The following RBM20 variants were observed in gnomAD, a reference collection of about 807,000 sequenced individuals.
RBM20 encodes the protein RNA binding motif protein 20.
Under a neutral mutation model 110.1 loss-of-function variants are expected in RBM20, and 51 were observed. The observed-to-expected ratio is 0.46, with a 90% CI of 0.37 to 0.59. The LOEUF is 0.59. Ranked by LOEUF, RBM20 falls within the 20% of genes least tolerant of loss-of-function variation. The pLI is 0.00. For synonymous variants in RBM20, 589 were observed against 618.2 expected, an observed-to-expected ratio of 0.95 and a Z score of 0.70; for missense variants, 1,512 against 1,574.9, an observed-to-expected ratio of 0.96 and a Z score of 0.68.
intron 12 of RBM20, among the ~76,000 whole-genome samples, chr10:110,827,147 G>A (rs1844992004): frequency 6.6e-6 from 1 of 152,104 alleles, no homozygotes; most frequent in African/African-American, 2.4e-5. Context: ...GGATGACATA[G>A]CAAACGCAGG....
chr10:110,689,324 C>A (rs1460226226), intron 1 of RBM20, among the ~76,000 whole-genome samples: 3 of 152,286 alleles, frequency 2.0e-5, no homozygotes, highest in South Asian at 2.1e-4. Context: ...CAAAACCTGC[C>A]CTCATGGAGC....
At chr10:110,696,249 A>G (rs771025513) in intron 1 of RBM20, among the ~76,000 whole-genome samples, 3 of 152,176 alleles carry the variant, frequency 2.0e-5, no homozygotes, top group Non-Finnish European at 4.4e-5. Context: ...ATCGCATTTT[A>G]AATCTTTAGA....
At chr10:110,727,143 C>CTTTTTTTTTTT (rs57606079) in intron 1 of RBM20, among the ~76,000 whole-genome samples, 1 of 80,656 alleles carries the variant, frequency 1.2e-5, no homozygotes, top group Non-Finnish European at 2.3e-5. Flanking sequence ...TGCACCCAGC[C>CTTTTTTTTTTT]TTTTTTTTTT....
At chr10:110,754,300 T>A (rs971857973) in intron 1 of RBM20, among the ~76,000 whole-genome samples, 2 of 152,238 alleles carry the variant, frequency 1.3e-5, no homozygotes, top group Non-Finnish European at 2.9e-5. Flanking sequence ...TGATCACTGG[T>A]AACTACGATG....
chr10:110,741,476 C>A (rs1419303130), intron 1 of RBM20, among the ~76,000 whole-genome samples: 1 of 152,142 alleles, frequency 6.6e-6, no homozygotes, highest in Non-Finnish European at 1.5e-5. Context: ...TTCCACATGA[C>A]TCCTCCATCA....
At chr10:110,767,726 C>T (rs1194884707) in intron 1 of RBM20, among the ~76,000 whole-genome samples, 6 of 145,408 alleles carry the variant, frequency 4.1e-5, no homozygotes, top group African/African-American at 1.3e-4. Context: ...ACATCTCAGA[C>T]GATGGGCGGC....
intron 8 of RBM20, among the ~76,000 whole-genome samples, chr10:110,810,904 T>C (rs1352697072): frequency 2.0e-5 from 3 of 151,948 alleles, no homozygotes; most frequent in Admixed American, 6.6e-5. Flanking sequence ...TTTTCATAAG[T>C]TGAATGTAGA....
intron 1 of RBM20, among the ~76,000 whole-genome samples, chr10:110,752,918 TAC>T (rs1843872042): frequency 9.2e-6 from 1 of 108,762 alleles, no homozygotes; most frequent in Non-Finnish European, 1.9e-5. Context: ...TATATATTTA[TAC>T]ATATATATAT....
At chr10:110,694,324 G>C (rs1339175926) in intron 1 of RBM20, among the ~76,000 whole-genome samples, 2 of 152,188 alleles carry the variant, frequency 1.3e-5, no homozygotes, top group Non-Finnish European at 2.9e-5. Context: ...AAATTGTAAA[G>C]TTTAGAGCTT....
chr10:110,674,594 G>T (rs1475535976), intron 1 of RBM20, among the ~76,000 whole-genome samples: 1 of 152,168 alleles, frequency 6.6e-6, no homozygotes, highest in African/African-American at 2.4e-5. Context: ...GATTAATGGT[G>T]TTGAATCTGT....
chr10:110,832,796 A>C (rs1266256040), intron 13 of RBM20, among the ~76,000 whole-genome samples: 2 of 152,172 alleles, frequency 1.3e-5, no homozygotes, highest in Admixed American at 6.5e-5. Flanking sequence ...AAGTCACTTA[A>C]GCCTCTGATT....
intron 1 of RBM20, among the ~76,000 whole-genome samples, chr10:110,750,217 A>C (rs1177203807): frequency 3.3e-5 from 5 of 152,242 alleles, no homozygotes; most frequent in South Asian, 2.1e-4. Context: ...CCATGTTTAA[A>C]AAATTTTTAA....
In RBM20 at chr10:110,739,071, C is replaced by A. The variant is rs182810910; in HGVS notation, c.192-41730C>A. Among the ~76,000 whole-genome samples the A allele has an allele frequency of 6.6e-6, 1 of 152,138 alleles. No homozygotes were observed. Among genetic ancestry groups the A allele is most frequent in the Non-Finnish European group, 1.5e-5 (1 of 68,032 alleles). ...GAGTATGGGGAGGTGTCTGGACAGT[C>A]AGGAAGTACCTGTCGCAGGTGGCAT... On this transcript the variant is annotated intron_variant, in intron 1 of 13. Coordinates refer to ENST00000369519, the MANE Select transcript of RBM20 (RefSeq NM_001134363.3). This position sits in a 1 kb window ranked among gnomAD's most constrained non-coding sequence, Gnocchi z 4.1.
At position 110,783,400 on chromosome 10, in the gene RBM20, C is replaced by A. The variant is rs774585619; in HGVS notation, c.1310C>A (p.Ala437Asp). Residue 437 changes from alanine to aspartate, a missense_variant, in exon 3 of 14, where the codon GCT becomes GAT. By Grantham distance (126) the Ala-to-Asp change is moderately radical. This residue lies in a region of RBM20 where 1,149 missense variants were observed against 1,169.4 expected (regional missense o/e 0.98). Coordinates refer to ENST00000369519, the MANE Select transcript of RBM20 (RefSeq NM_001134363.3). Reference protein sequence around the residue: ...WELHVKGKLHAQKCLVFSENA... With the variant: ...WELHVKGKLHDQKCLVFSENA... The stretch of plus-strand genomic sequence containing the variant: ...CTGCATGTGAAAGGGAAGCTGCACG[C>A]TCAGAAATGCCTGGTCTTCTCTGAA... The A allele has an allele frequency of 1.3e-6, 2 of 1,551,534 alleles. No homozygotes were observed. Among genetic ancestry groups the A allele is most frequent in the South Asian group, 2.4e-5 (2 of 84,028 alleles).
chr10:110,712,423 T>C (rs1182142409), intron 1 of RBM20, among the ~76,000 whole-genome samples: 1 of 152,192 alleles, frequency 6.6e-6, no homozygotes, highest in Non-Finnish European at 1.5e-5. Flanking sequence ...GAGCATGACA[T>C]GAGGAGGTTG....
intron 1 of RBM20, among the ~76,000 whole-genome samples, chr10:110,675,550 G>T (rs2039876): frequency 6.6e-6 from 1 of 152,054 alleles, no homozygotes; most frequent in East Asian, 1.9e-4. Context: ...AACTTCCAGC[G>T]GGTAAGGTAT....
chr10:110,644,576 T>TGCA lies in RBM20; in HGVS notation c.128_130dup (p.Gln43dup), dbSNP rs397516593. 2,027 of 1,525,996 alleles carry TGCA rather than the reference T, an allele frequency of 1.3e-3. 39 individuals carry two copies. In the South Asian group the frequency reaches 0.023, roughly 17 times the overall value. The allele number at this position is 1,525,996 out of a possible 1,614,324, so 94.5% of individuals were successfully genotyped here. ...CCGGCACCCTCCGGCCCGCGAGGGA[T>TGCA]GCAGCAGCCGCCGCCGCCGCCCCAG... On this transcript the variant is annotated inframe_insertion, in exon 1 of 14. Coordinates refer to ENST00000369519, the MANE Select transcript of RBM20 (RefSeq NM_001134363.3). The surrounding 1 kb of genome is among the most constrained non-coding windows in gnomAD (Gnocchi z 4.3).
At chr10:110,763,415 T>C (rs974102696) in intron 1 of RBM20, among the ~76,000 whole-genome samples, 1 of 152,074 alleles carries the variant, frequency 6.6e-6, no homozygotes, top group African/African-American at 2.4e-5. Context: ...ATATACCCTA[T>C]TGACTGTTTT....
Position 110,795,644 on chromosome 10 carries a change from T to G in RBM20, c.1528-1864T>G, listed in dbSNP as rs563729840. Among the ~76,000 whole-genome samples, 6 of 152,354 alleles carry G rather than the reference T, an allele frequency of 3.9e-5. No homozygotes were observed. The East Asian group carries it at 1.2e-3, about 29-fold the overall frequency. ...CGGCCCCACATCAAATGTAATTAGATGTAGAAGTTCAGTTTAACATAGAAA... is the reference window on the plus strand; with the variant it reads ...CGGCCCCACATCAAATGTAATTAGAGGTAGAAGTTCAGTTTAACATAGAAA... On this transcript the variant is annotated intron_variant, in intron 5 of 13. Transcript: ENST00000369519.
Sources: allele counts gnomAD v4.1 joint callset (sites outside exome capture counted in the v4.1 genomes callset), GRCh38; gene constraint gnomAD v4.1.1; regional missense constraint gnomAD v4.1.1; non-coding constraint Gnocchi (gnomAD v3.1); transcripts MANE v1.5; gene names NCBI Gene and HGNC (gene_info 2026-07-23, HGNC 2026-07-21).